Variants in ZNF804A observed in about 807,000 individuals in gnomAD.
The protein encoded by ZNF804A is zinc finger protein 804A.
A neutral mutation model predicts 16.5 loss-of-function variants in ZNF804A; 2 were observed. The ratio of observed to expected loss-of-function variants is 0.12; its 90% CI spans 0.05 to 0.38. The LOEUF (loss-of-function observed/expected upper bound fraction) is 0.38, where lower values mean the gene tolerates loss of function less well. Among genes scored for constraint, ZNF804A ranks in the 10% least tolerant of loss-of-function variants. The pLI, the probability that ZNF804A is intolerant of heterozygous loss-of-function variation, is 0.99. For missense variants in ZNF804A, 1,473 were observed against 1,390.7 expected (o/e 1.06, Z -0.94); for synonymous variants, 534 against 489.6 (o/e 1.09, Z -1.20).
At chr2:184,621,391 A>G (rs1439725209) in intron 1 of ZNF804A, among the ~76,000 whole-genome samples, 4 of 151,772 alleles carry the variant, frequency 2.6e-5, no homozygotes, top group East Asian at 3.8e-4. Context: ...GTATATAGCT[A>G]TATATCCATG....
intron 2 of ZNF804A, among the ~76,000 whole-genome samples, chr2:184,895,636 G>A (rs889451094): frequency 2.6e-5 from 4 of 152,168 alleles, no homozygotes; most frequent in Non-Finnish European, 4.4e-5. Flanking sequence ...AGGCTCTCAA[G>A]TCACTTAATT....
At chr2:184,854,183 A>G (rs1448286314) in intron 1 of ZNF804A, among the ~76,000 whole-genome samples, 1 of 151,924 alleles carries the variant, frequency 6.6e-6, no homozygotes, top group East Asian at 1.9e-4. Flanking sequence ...ATGCTCCAAA[A>G]TCTGAAAATT....
Position 184,856,351 on chromosome 2 carries a change from T to TA in ZNF804A, c.112-10007dup, listed in dbSNP as rs879343609. On this transcript the variant is annotated intron_variant, in intron 1 of 3. Transcript: ENST00000302277. ...ACTGTTTCCAATGTTTCTTTTTATC[T>TA]AAAAAAAAAAATGATGTACAGTAAT... 4.2e-3 allele frequency among the ~76,000 whole-genome samples: 612 copies of TA among 146,464 alleles called. 3 individuals are homozygous for TA. Among genetic ancestry groups the TA allele is most frequent in the African/African-American group, 0.014 (560 of 40,232 alleles).
At chr2:184,775,460 A>G (rs999651616) in intron 1 of ZNF804A, among the ~76,000 whole-genome samples, 4 of 151,688 alleles carry the variant, frequency 2.6e-5, no homozygotes, top group Non-Finnish European at 4.4e-5. Flanking sequence ...GCTGTCTGCT[A>G]TGAAATTATA....
rs1490007155 is a variant in ZNF804A at position 184,938,645 on chromosome 2, T to C, written c.3249T>C (p.Pro1083=). The C allele has an allele frequency of 9.9e-6, 16 of 1,613,988 alleles. No homozygotes were observed. Among genetic ancestry groups the C allele is most frequent in the Non-Finnish European group, 1.4e-5 (16 of 1,179,968 alleles). ...CACCCCCTAGCACACCTCTGCAGCC[T>C]TTGCCTTTGCAGCAGTCCTTATGTT... ...ALPPPSTPLQ[P]LPLQQSLCST... Residue 1083 remains proline (P), a synonymous_variant, in exon 4 of 4, where the codon CCT becomes CCC. Coordinates refer to ENST00000302277, the MANE Select transcript of ZNF804A (RefSeq NM_194250.2).
chr2:184,844,176 C>G (rs1396567513), intron 1 of ZNF804A, among the ~76,000 whole-genome samples: 1 of 135,568 alleles, frequency 7.4e-6, no homozygotes, highest in African/African-American at 3.5e-5. Flanking sequence ...CTAATTATAC[C>G]CCCCCCCATT....
At position 184,937,974 on chromosome 2, in the gene ZNF804A, C is replaced by G. The variant is rs1277341531; in HGVS notation, c.2578C>G (p.Gln860Glu). ...SEDKKEKMKP[Q>E]EVAKIERNSE... ...AGACAAAAAAGAGAAAATGAAACCA[C>G]AAGAAGTTGCAAAAATCGAAAGGAA... The change falls in exon 4 of 4, where the codon CAA (glutamine) becomes GAA (glutamate). Residue 860 changes from glutamine to glutamate, a missense_variant. By Grantham distance (29) the Gln-to-Glu change is conservative. Coordinates refer to ENST00000302277, the MANE Select transcript of ZNF804A (RefSeq NM_194250.2). The G allele has an allele frequency of 6.2e-7, 1 of 1,614,038 alleles. No homozygotes were observed. The highest frequency in any genetic ancestry group is 1.3e-5 in the African/African-American group (1 of 75,030).
chr2:184,759,498 T>C (rs927034914), intron 1 of ZNF804A, among the ~76,000 whole-genome samples: 11 of 151,938 alleles, frequency 7.2e-5, no homozygotes, highest in African/African-American at 2.4e-4. Context: ...AAAATTTTTA[T>C]AATATATATT....
At chr2:184,934,620 T>TA (rs1219733085) in intron 3 of ZNF804A, among the ~76,000 whole-genome samples, 1 of 152,078 alleles carries the variant, frequency 6.6e-6, no homozygotes, top group Admixed American at 6.6e-5. Context: ...TGGTAATGAA[T>TA]AAAAAATTAT....
intron 2 of ZNF804A, among the ~76,000 whole-genome samples, chr2:184,884,331 C>T (rs758628025): frequency 6.6e-6 from 1 of 152,124 alleles, no homozygotes; most frequent in Non-Finnish European, 1.5e-5. Flanking sequence ...ATTTCATTCT[C>T]ATGGGTAGGA....
chr2:184,722,293 A>G (rs1693331357), intron 1 of ZNF804A, among the ~76,000 whole-genome samples: 2 of 152,080 alleles, frequency 1.3e-5, no homozygotes, highest in African/African-American at 4.8e-5. Context: ...AAATCATCCG[A>G]TGATTTAAAA....
chr2:184,762,196 CT>C (rs1694045736), intron 1 of ZNF804A, among the ~76,000 whole-genome samples: 3 of 57,950 alleles, frequency 5.2e-5, no homozygotes, highest in African/African-American at 2.6e-4. Context: ...TGCTTTCTTT[CT>C]TTTCTTTTCT....
intron 1 of ZNF804A, among the ~76,000 whole-genome samples, chr2:184,848,296 T>C (rs1039506511): frequency 1.3e-5 from 2 of 151,988 alleles, no homozygotes; most frequent in East Asian, 3.9e-4. Flanking sequence ...AAAGCCCAAT[T>C]ATGTACTTCT....
intron 1 of ZNF804A, among the ~76,000 whole-genome samples, chr2:184,611,522 C>A (rs577227782): frequency 6.6e-6 from 1 of 152,112 alleles, no homozygotes; most frequent in South Asian, 2.1e-4. Context: ...ATAAAGTTCA[C>A]GAAACAATGG....
chr2:184,705,681 C>T (rs1173067942), intron 1 of ZNF804A, among the ~76,000 whole-genome samples: 1 of 151,966 alleles, frequency 6.6e-6, no homozygotes, highest in Non-Finnish European at 1.5e-5. Flanking sequence ...TTTATATGGA[C>T]TATTTTTTAA....
At chr2:184,806,473 T>G (rs562080037) in intron 1 of ZNF804A, among the ~76,000 whole-genome samples, 2 of 152,014 alleles carry the variant, frequency 1.3e-5, no homozygotes, top group East Asian at 3.9e-4. Context: ...ATACAATTAT[T>G]TATGGTTTGA....
At chr2:184,738,279 T>TA (rs533844660) in intron 1 of ZNF804A, among the ~76,000 whole-genome samples, 73 of 150,702 alleles carry the variant, frequency 4.8e-4, no homozygotes, top group African/African-American at 1.2e-3. Context: ...TGAGCACTGC[T>TA]AAAAAAAAAG....
chr2:184,919,206 T>C (rs1441564256), intron 2 of ZNF804A, among the ~76,000 whole-genome samples: 6 of 152,176 alleles, frequency 3.9e-5, no homozygotes, highest in Non-Finnish European at 8.8e-5. Context: ...CCAGAGTAAA[T>C]TTCTATTCCA....
chr2:184,821,689 C>G (rs1460961791), intron 1 of ZNF804A, among the ~76,000 whole-genome samples: 1 of 152,070 alleles, frequency 6.6e-6, no homozygotes, highest in Non-Finnish European at 1.5e-5. Flanking sequence ...TATCCAGATT[C>G]TACAAGGAAC....
Sources: gnomAD v4.1 joint callset for allele counts (sites outside exome capture counted in the v4.1 genomes callset) on GRCh38, gnomAD v4.1.1 for gene constraint, MANE v1.5 for transcripts, NCBI Gene and HGNC (gene_info 2026-07-23, HGNC 2026-07-21) for gene names.